Variants in AKT3 observed in about 807,000 individuals in gnomAD.
The protein encoded by AKT3 is RAC-gamma serine/threonine-protein kinase.
Under a neutral mutation model 65.3 loss-of-function variants are expected in AKT3, and 15 were observed. That is an observed-to-expected ratio of 0.23 (90% CI 0.15 to 0.35). The LOEUF is 0.35. Ranked by LOEUF, AKT3 falls within the 10% of genes least tolerant of loss-of-function variation. AKT3 has a pLI of 1.00. For missense variants in AKT3, 243 were observed against 576.5 expected (o/e 0.42, Z 5.92); for synonymous variants, 206 against 183.8 (o/e 1.12, Z -0.98).
At chr1:243,533,450 A>G (rs1671682642) in intron 12 of AKT3, among the ~76,000 whole-genome samples, 1 of 152,244 alleles carries the variant, frequency 6.6e-6, no homozygotes, top group Admixed American at 6.5e-5. Context: ...AGAGCAAAGT[A>G]CCTATGGCAA....
chr1:243,588,421 C>A (rs2148544192), intron 8 of AKT3, among the ~76,000 whole-genome samples: 1 of 152,294 alleles, frequency 6.6e-6, no homozygotes, highest in South Asian at 2.1e-4. Flanking sequence ...CCTGAACTTA[C>A]ACGAACAAAG....
At chr1:243,692,839 C>G (rs1013092012) in intron 3 of AKT3, among the ~76,000 whole-genome samples, 12 of 151,886 alleles carry the variant, frequency 7.9e-5, no homozygotes, top group African/African-American at 1.5e-4. Flanking sequence ...TCTTGTTAAT[C>G]TTCCTTTTGT....
chr1:243,718,315 C>A (rs1277321999), intron 2 of AKT3, among the ~76,000 whole-genome samples: 1 of 152,134 alleles, frequency 6.6e-6, no homozygotes, highest in Non-Finnish European at 1.5e-5. Context: ...TGTATCGTTA[C>A]TTACATAGGA....
Position 243,830,372 on chromosome 1 carries a change from A to T in AKT3, c.46+12753T>A, listed in dbSNP as rs187922889. Among the ~76,000 whole-genome samples the T allele has an allele frequency of 3.9e-5, 6 of 152,322 alleles. No homozygotes were observed. In the East Asian group the frequency reaches 1.2e-3, roughly 29 times the overall value. ...GTCCTGGAACCAACCCCCCGTGGAT[A>T]CTGGGGGACAACTGTACCGTGTATG... On this transcript the variant is annotated intron_variant, in intron 2 of 13. Coordinates refer to ENST00000673466, the MANE Select transcript of AKT3 (RefSeq NM_005465.7).
At chr1:243,532,842 A>G (rs1260217695) in intron 12 of AKT3, among the ~76,000 whole-genome samples, 2 of 152,102 alleles carry the variant, frequency 1.3e-5, no homozygotes. Context: ...TACGGGGTCT[A>G]TTTGGATTTT....
downstream of AKT3, among the ~76,000 whole-genome samples, chr1:243,498,730 A>G (rs1412531685): frequency 6.6e-6 from 1 of 152,248 alleles, no homozygotes; most frequent in African/African-American, 2.4e-5. Flanking sequence ...CCCCATGTTA[A>G]TGATGGCTTA....
chr1:243,574,621 T>C (rs1450461354), intron 8 of AKT3, among the ~76,000 whole-genome samples: 1 of 152,166 alleles, frequency 6.6e-6, no homozygotes, highest in Admixed American at 6.5e-5. Context: ...AAGTCATTTA[T>C]ACAATTACTC....
At chr1:243,641,479 T>C in intron 5 of AKT3, among the ~76,000 whole-genome samples, 1 of 151,896 alleles carries the variant, frequency 6.6e-6, no homozygotes, top group African/African-American at 2.4e-5. Context: ...TTAAAAGCAC[T>C]AGAAAATAAT....
At chr1:243,639,615 C>T (rs1425593479) in intron 5 of AKT3, among the ~76,000 whole-genome samples, 2 of 152,136 alleles carry the variant, frequency 1.3e-5, no homozygotes, top group East Asian at 1.9e-4. Flanking sequence ...TTTACAAATG[C>T]CATGACATAT....
At chr1:243,835,773 G>GA (rs1483761229) in intron 2 of AKT3, among the ~76,000 whole-genome samples, 1 of 151,840 alleles carries the variant, frequency 6.6e-6, no homozygotes, top group Non-Finnish European at 1.5e-5. Context: ...GGAATATACT[G>GA]AAAAAAATTC....
intron 8 of AKT3, among the ~76,000 whole-genome samples, chr1:243,593,416 G>A (rs753690045): frequency 2.6e-4 from 40 of 152,140 alleles, no homozygotes; most frequent in Non-Finnish European, 4.0e-4. Flanking sequence ...AAAGAAAGCC[G>A]GGCACAGTGT....
At chr1:243,544,644 A>G (rs1267723668) in intron 12 of AKT3, among the ~76,000 whole-genome samples, 1 of 151,996 alleles carries the variant, frequency 6.6e-6, no homozygotes, top group African/African-American at 2.4e-5. Flanking sequence ...ATGAATAAAA[A>G]GTAATAAGCA....
intron 9 of AKT3, among the ~76,000 whole-genome samples, chr1:243,570,023 T>C (rs1179916637): frequency 1.3e-4 from 20 of 152,206 alleles, no homozygotes; most frequent in Admixed American, 1.2e-3. Flanking sequence ...TAAAACTTCA[T>C]TACATGATGT....
chr1:243,841,366 T>C (rs1225919132), intron 2 of AKT3, among the ~76,000 whole-genome samples: 4 of 152,006 alleles, frequency 2.6e-5, no homozygotes, highest in African/African-American at 7.2e-5. Context: ...CTCAAAACCA[T>C]CTTGTGAAAG....
chr1:243,526,045 T>G (rs527825680), intron 12 of AKT3, among the ~76,000 whole-genome samples: 2 of 151,376 alleles, frequency 1.3e-5, no homozygotes, highest in South Asian at 4.2e-4. Context: ...GCAGAACTAC[T>G]CTGTGTGTGT....
chr1:243,552,754 G>A lies in AKT3; in HGVS notation c.1138C>T (p.Leu380Phe). Reference sequence around the variant, plus strand: ...CGTTTATTTGGATCCTTTATCAAGAGCCCTGAAAGCAATGATTTTGCATCT... The same window carrying A: ...CGTTTATTTGGATCCTTTATCAAGAACCCTGAAAGCAATGATTTTGCATCT... The part of the protein sequence containing the change: ...SSDAKSLLSG[L>F]LIKDPNKRLG... The change falls in exon 11 of 14, where the codon CTC (leucine) becomes TTC (phenylalanine). Residue 380 changes from leucine (L) to phenylalanine (F), a missense_variant. Around this residue, in one of 6 missense-constraint regions of AKT3, gnomAD observed 20 missense variants for 68.4 expected, o/e 0.29. Coordinates refer to ENST00000673466, the MANE Select transcript of AKT3 (RefSeq NM_005465.7). The A allele has an allele frequency of 6.2e-7, 1 of 1,613,778 alleles. No individual in the cohort carries two copies. Among genetic ancestry groups the A allele is most frequent in the South Asian group, 1.1e-5 (1 of 91,062 alleles).
intron 13 of AKT3, among the ~76,000 whole-genome samples, chr1:243,510,594 G>A (rs1669953471): frequency 6.6e-6 from 1 of 152,194 alleles, no homozygotes; most frequent in African/African-American, 2.4e-5. Flanking sequence ...GAGCATTCCA[G>A]GCCTGGACAC....
At chr1:243,670,246 G>A (rs1683071758) in intron 3 of AKT3, among the ~76,000 whole-genome samples, 2 of 152,164 alleles carry the variant, frequency 1.3e-5, no homozygotes, top group African/African-American at 2.4e-5. Context: ...ACACCAAGAT[G>A]TTCAAGTGGT....
intron 2 of AKT3, among the ~76,000 whole-genome samples, chr1:243,725,622 T>C (rs910885009): frequency 3.0e-4 from 46 of 152,182 alleles, no homozygotes; most frequent in Non-Finnish European, 7.3e-5. Context: ...AATAAGGTCC[T>C]TGTGACAACT....
Sources: gnomAD v4.1 joint callset for allele counts (sites outside exome capture counted in the v4.1 genomes callset) on GRCh38, gnomAD v4.1.1 for gene constraint, gnomAD v4.1.1 regional missense constraint, MANE v1.5 for transcripts, NCBI Gene and HGNC (gene_info 2026-07-23, HGNC 2026-07-21) for gene names.